Variants in OSBPL8 observed in about 807,000 individuals in gnomAD.
OSBPL8 encodes the protein oxysterol binding protein like 8.
Under a neutral mutation model 125.5 loss-of-function variants are expected in OSBPL8, and 59 were observed. That is an observed-to-expected ratio of 0.47 (90% CI 0.38 to 0.58). The LOEUF is 0.58. Ranked by LOEUF, OSBPL8 falls within the 20% of genes least tolerant of loss-of-function variation. The pLI, the probability that OSBPL8 is intolerant of heterozygous loss-of-function variation, is 0.00. For synonymous variants in OSBPL8, 330 were observed against 338.9 expected (o/e 0.97, Z 0.29); for missense variants, 758 against 1,047.8 (o/e 0.72, Z 3.82).
intron 1 of OSBPL8, among the ~76,000 whole-genome samples, chr12:76,533,037 C>CAA (rs1210034516): frequency 6.6e-6 from 1 of 151,858 alleles, no homozygotes; most frequent in African/African-American, 2.4e-5. Context: ...CATTTGTAAC[C>CAA]AAAATAGTCT....
Position 76,417,639 on chromosome 12 carries a change from T to C in OSBPL8, c.218-7005A>G, listed in dbSNP as rs567242745. Among the ~76,000 whole-genome samples, 190 of 152,228 alleles carry C rather than the reference T, an allele frequency of 1.2e-3. 2 individuals are homozygous for C. Among genetic ancestry groups the C allele is most frequent in the Non-Finnish European group, 2.5e-3 (168 of 68,030 alleles). On this transcript the variant is annotated intron_variant, in intron 4 of 23. Transcript: ENST00000261183. The stretch of plus-strand genomic sequence containing the variant: ...ATCTGTATGTCCAATGTACTACTAG[T>C]ATGTACACCGAGTTTTAAATTTTGG...
intron 1 of OSBPL8, among the ~76,000 whole-genome samples, chr12:76,529,403 T>A (rs905736513): frequency 6.6e-6 from 1 of 152,050 alleles, no homozygotes; most frequent in Non-Finnish European, 1.5e-5. Flanking sequence ...AGAAGGTATG[T>A]CAGATTACGA....
At chr12:76,511,140 A>T (rs1880945140) in intron 1 of OSBPL8, among the ~76,000 whole-genome samples, 1 of 152,206 alleles carries the variant, frequency 6.6e-6, no homozygotes, top group Admixed American at 6.5e-5. Flanking sequence ...CAAAACATTT[A>T]GGCAGATTAG....
intron 8 of OSBPL8, 36 bp downstream of exon 8, chr12:76,397,658 C>A (rs1953870110): frequency 1.9e-6 from 3 of 1,577,688 alleles, no homozygotes; most frequent in Middle Eastern, 1.7e-4. Flanking sequence ...GGATTATCAT[C>A]TTTACCTTTC....
intron 2 of OSBPL8, among the ~76,000 whole-genome samples, chr12:76,485,573 A>C (rs1368718165): frequency 6.6e-6 from 1 of 152,206 alleles, no homozygotes; most frequent in African/African-American, 2.4e-5. Context: ...ACTTTAGCCA[A>C]AGGAGTCTGG....
In OSBPL8 at chr12:76,355,855, C is replaced by A; in HGVS notation, c.*34G>T. On this transcript the variant is annotated 3_prime_UTR_variant, in exon 24 of 24. Transcript: ENST00000261183. Reference sequence around the variant, plus strand: ...ACACTGGTCCCAGGCCAAATCAGATCTTTCTAGTTCACTGATTCAATGGTA... The same window carrying A: ...ACACTGGTCCCAGGCCAAATCAGATATTTCTAGTTCACTGATTCAATGGTA... 1 of 1,601,030 alleles carries A rather than the reference C, an allele frequency of 6.2e-7. No individual in the cohort carries two copies. The highest frequency in any genetic ancestry group is 8.5e-7 in the Non-Finnish European group (1 of 1,173,936).
intron 22 of OSBPL8, among the ~76,000 whole-genome samples, chr12:76,358,103 A>C (rs1952051512): frequency 6.6e-6 from 1 of 152,046 alleles, no homozygotes; most frequent in Non-Finnish European, 1.5e-5. Flanking sequence ...TTCTGAATTC[A>C]ATCTAGGGAA....
chr12:76,433,312 T>A (rs1389706121), intron 4 of OSBPL8, among the ~76,000 whole-genome samples: 1 of 152,116 alleles, frequency 6.6e-6, no homozygotes, highest in Non-Finnish European at 1.5e-5. Flanking sequence ...GACATAATCA[T>A]ACACGTAGAA....
In OSBPL8 at chr12:76,373,428, G is replaced by A. The variant is rs763467290; in HGVS notation, c.1833C>T (p.Phe611=). The change falls in exon 18 of 24, where the codon TTC becomes TTT. Residue 611 remains phenylalanine, a synonymous_variant. Transcript: ENST00000261183. Reference sequence around the variant, plus strand: ...GATTAACACAGTCACTACTCCCTAGGAATGGCTTTTAAACGAGAAAATGTT... The same window carrying A: ...GATTAACACAGTCACTACTCCCTAGAAATGGCTTTTAAACGAGAAAATGTT... ...SAILEFKLKP[F]LGSSDCVNQI... is the part of the protein sequence containing the mutation. The A allele has an allele frequency of 1.9e-6, 3 of 1,593,132 alleles. No homozygotes were observed. Among genetic ancestry groups the A allele is most frequent in the Non-Finnish European group, 2.6e-6 (3 of 1,167,956 alleles).
At chr12:76,556,402 C>T (rs1202171446) in intron 1 of OSBPL8, among the ~76,000 whole-genome samples, 3 of 152,182 alleles carry the variant, frequency 2.0e-5, no homozygotes, top group African/African-American at 4.8e-5. Context: ...CCTTCTATCA[C>T]GCCTTCCACA....
chr12:76,514,311 A>T (rs1337622146), intron 1 of OSBPL8, among the ~76,000 whole-genome samples: 1 of 144,960 alleles, frequency 6.9e-6, no homozygotes, highest in African/African-American at 2.5e-5. Flanking sequence ...CGCCCAGCTA[A>T]TTTTTTTTTT....
chr12:76,546,306 T>C, intron 1 of OSBPL8, among the ~76,000 whole-genome samples: 1 of 152,332 alleles, frequency 6.6e-6, no homozygotes, highest in East Asian at 1.9e-4. Context: ...GTTAAATTTA[T>C]GTTAAACAAT....
intron 3 of OSBPL8, among the ~76,000 whole-genome samples, chr12:76,453,769 C>A (rs145534489): frequency 4.6e-5 from 7 of 151,700 alleles, no homozygotes; most frequent in Non-Finnish European, 8.8e-5. Context: ...ACTGAAAAGG[C>A]ACAAAATAAG....
chr12:76,489,377 C>T (rs529606790), intron 1 of OSBPL8, among the ~76,000 whole-genome samples: 36 of 152,290 alleles, frequency 2.4e-4, no homozygotes, highest in African/African-American at 8.2e-4. Flanking sequence ...GAAGTCAATG[C>T]CAGACTTCAA....
chr12:76,410,502 A>C, intron 5 of OSBPL8, 62 bp downstream of exon 5: 6 of 1,174,076 alleles, frequency 5.1e-6, no homozygotes, highest in African/African-American at 1.5e-5. Flanking sequence ...TTTCAGTGTT[A>C]GTTCCCTCAT....
intron 1 of OSBPL8, among the ~76,000 whole-genome samples, chr12:76,536,689 G>A (rs1950508166): frequency 6.6e-6 from 1 of 152,016 alleles, no homozygotes; most frequent in Admixed American, 6.6e-5. Flanking sequence ...TGGGTGGAAA[G>A]GAAGGAGAGA....
At chr12:76,386,096 G>C in intron 14 of OSBPL8, 72 bp downstream of exon 14, 15 of 1,525,850 alleles carry the variant, frequency 9.8e-6, no homozygotes, top group Non-Finnish European at 1.2e-5. Context: ...AGTTTACTGG[G>C]TAAATATTTT....
chr12:76,404,541 C>CGCCTCTTCT (rs1201525943), intron 5 of OSBPL8, among the ~76,000 whole-genome samples: 3 of 152,122 alleles, frequency 2.0e-5, no homozygotes, highest in African/African-American at 7.2e-5. Context: ...CCACCTTCTC[C>CGCCTCTTCT]GCCTCTTCTG....
At chr12:76,436,079 T>C (rs77875825) in intron 4 of OSBPL8, among the ~76,000 whole-genome samples, 9 of 149,046 alleles carry the variant, frequency 6.0e-5, no homozygotes, top group Non-Finnish European at 1.3e-4. Flanking sequence ...GAGAGAATAT[T>C]GAGAGAATAT....
Sources: gnomAD v4.1 joint callset for allele counts (sites outside exome capture counted in the v4.1 genomes callset) on GRCh38, gnomAD v4.1.1 for gene constraint, MANE v1.5 for transcripts, NCBI Gene and HGNC (gene_info 2026-07-23, HGNC 2026-07-21) for gene names.